Variants in ELF3 observed in about 807,000 individuals in gnomAD.
ELF3 encodes E74 like ETS transcription factor 3.
Under a neutral mutation model 43.9 loss-of-function variants are expected in ELF3, and 18 were observed. The ratio of observed to expected loss-of-function variants is 0.41; its 90% CI spans 0.28 to 0.61. The LOEUF (loss-of-function observed/expected upper bound fraction) is 0.61. Among genes scored for constraint, ELF3 ranks in the 20% least tolerant of loss-of-function variants. ELF3 has a pLI of 0.30. For missense variants in ELF3, 373 were observed against 487.7 expected (o/e 0.76, Z 2.21); for synonymous variants, 181 against 190.2 (o/e 0.95, Z 0.40).
At position 202,012,795 on chromosome 1, in the gene ELF3, C is replaced by T. The variant is rs1433675627; in HGVS notation, c.598+36C>T. On this transcript the variant is annotated intron_variant, in intron 5 of 8. Transcript: ENST00000367284. The surrounding 1 kb of genome is among the most constrained non-coding windows in gnomAD (Gnocchi z 4.2). ...TCTCTGGGCCACAACCTCCCTTCCC[C>T]GAAGTGTCCCTTGTTCCCTCTGGCT... 7.2e-6 allele frequency: 11 copies of T among 1,537,122 alleles called. No individual in the cohort carries two copies. The highest frequency in any genetic ancestry group is 1.3e-5 in the South Asian group (1 of 79,118).
Position 202,012,347 on chromosome 1 carries a change from C to T in ELF3, c.389C>T (p.Ser130Phe). Residue 130 changes from serine (S) to phenylalanine (F), a missense_variant, in exon 4 of 9, where the codon TCC becomes TTC. Ser to Phe is a radical substitution (Grantham distance 155). Around this residue, in one of 3 missense-constraint regions of ELF3, gnomAD observed 311 missense variants for 351.2 expected, o/e 0.89. Transcript: ENST00000367284. This position sits in a 1 kb window ranked among gnomAD's most constrained non-coding sequence, Gnocchi z 4.2. Reference sequence around the variant, plus strand: ...CCCTTCCTTCCTTCCTTGTCAGCTTCCAGCTCTTCTGATGAGCTCAGTTGG... The same window carrying T: ...CCCTTCCTTCCTTCCTTGTCAGCTTTCAGCTCTTCTGATGAGCTCAGTTGG... ...QLHAQLRDLTSSSSDELSWII... is the reference protein window; with the variant it reads ...QLHAQLRDLTFSSSDELSWII... 6.2e-7 allele frequency: 1 copy of T among 1,614,046 alleles called. No individual in the cohort carries two copies.
intron 2 of ELF3, 163 bp downstream of exon 2, chr1:202,011,462 A>T: frequency 1.1e-6 from 1 of 872,046 alleles, no homozygotes. Context: ...TGGGGCTGTG[A>T]CAGGCAGAGG....
chr1:202,012,144 G>C lies in ELF3; in HGVS notation c.351G>C (p.Leu117=), dbSNP rs776862148. Residue 117 remains leucine, a synonymous_variant, in exon 3 of 9, where the codon CTG becomes CTC. Transcript: ENST00000367284. This position sits in a 1 kb window ranked among gnomAD's most constrained non-coding sequence, Gnocchi z 4.2. ...LEELRLVFGP[L]GDQLHAQLRD... is the part of the protein sequence containing the mutation. The stretch of plus-strand genomic sequence containing the variant: ...AGCTGCGTCTGGTCTTTGGGCCTCT[G>C]GGGGACCAACTCCATGCCCAGCTGC... 1.9e-6 allele frequency: 3 copies of C among 1,613,760 alleles called. No homozygotes were observed. The East Asian group carries it at 6.7e-5, about 36-fold the overall frequency.
At chr1:202,014,267 G>A (rs771334042) in intron 8 of ELF3, among the ~76,000 whole-genome samples, 3 of 152,208 alleles carry the variant, frequency 2.0e-5, no homozygotes, top group Non-Finnish European at 2.9e-5. Flanking sequence ...TCGCCTGTGA[G>A]GCTTGTCCTC....
chr1:202,010,769 G>A lies in ELF3; in HGVS notation c.-9+63G>A, dbSNP rs1684174220. On this transcript the variant is annotated intron_variant, in intron 1 of 8. Coordinates refer to ENST00000367284, the MANE Select transcript of ELF3 (RefSeq NM_004433.5). The surrounding 1 kb of genome is among the most constrained non-coding windows in gnomAD (Gnocchi z 4.3). ...TGGGAAACTGCAGAGGGGTCCAGAGGATTTGCAGTTCTGAACCTGCACACT... is the reference window on the plus strand; with the variant it reads ...TGGGAAACTGCAGAGGGGTCCAGAGAATTTGCAGTTCTGAACCTGCACACT... 1 of 193,910 alleles carries A rather than the reference G, an allele frequency of 5.2e-6. No homozygotes were observed. 12.0% of individuals were successfully genotyped at this position (193,910 alleles called of 1,614,324 possible).
chr1:202,015,457 T>C lies in ELF3; in HGVS notation c.*134T>C. ...TGTGCTGTGGAGAGAAGCTGATGTT[T>C]TGGTGTATTGTCAGCCATCGTCCTG... is the stretch of plus-strand genomic sequence containing the variant. On this transcript the variant is annotated 3_prime_UTR_variant, in exon 9 of 9. Transcript: ENST00000367284. 1 of 845,350 alleles carries C rather than the reference T, an allele frequency of 1.2e-6. No homozygotes were observed. The highest frequency in any genetic ancestry group is 1.6e-5 in the South Asian group (1 of 61,364). 52.4% of individuals were successfully genotyped at this position (845,350 alleles called of 1,614,324 possible).
Position 202,012,746 on chromosome 1 carries a change from C to A in ELF3, c.585C>A (p.Asp195Glu). 2 of 1,572,828 alleles carry A rather than the reference C, an allele frequency of 1.3e-6. No homozygotes were observed. Among genetic ancestry groups the A allele is most frequent in the Non-Finnish European group, 1.7e-6 (2 of 1,161,334 alleles). The change falls in exon 5 of 9, where the codon GAC becomes GAA. Residue 195 changes from aspartate to glutamate, a missense_variant. By Grantham distance (45) the Asp-to-Glu change is conservative. This residue lies in a region of ELF3 where 311 missense variants were observed against 351.2 expected (regional missense o/e 0.89). Coordinates refer to ENST00000367284, the MANE Select transcript of ELF3 (RefSeq NM_004433.5). This position sits in a 1 kb window ranked among gnomAD's most constrained non-coding sequence, Gnocchi z 4.2. ...GAGAPSPGSS[D>E]VSTAGTGASR... ...GAGCCCCCTCCCCTGGCAGCTCTGA[C>A]GTCTCCACCGCAGGTGAGAGCTCTC...
chr1:202,012,363 G>T lies in ELF3; in HGVS notation c.405G>T (p.Glu135Asp), dbSNP rs761937653. ...LRDLTSSSSD[E>D]LSWIIELLEK... ...TGTCAGCTTCCAGCTCTTCTGATGAGCTCAGTTGGATCATTGAGCTGCTGG... is the reference window on the plus strand; with the variant it reads ...TGTCAGCTTCCAGCTCTTCTGATGATCTCAGTTGGATCATTGAGCTGCTGG... Residue 135 changes from glutamate (E) to aspartate (D), a missense_variant, in exon 4 of 9, where the codon GAG becomes GAT. Around this residue, in one of 3 missense-constraint regions of ELF3, gnomAD observed 311 missense variants for 351.2 expected, o/e 0.89. Coordinates refer to ENST00000367284, the MANE Select transcript of ELF3 (RefSeq NM_004433.5). The surrounding 1 kb of genome is among the most constrained non-coding windows in gnomAD (Gnocchi z 4.2). 3 of 1,614,136 alleles carry T rather than the reference G, an allele frequency of 1.9e-6. No homozygotes were observed. In the East Asian group the frequency reaches 6.7e-5, roughly 36 times the overall value.
Position 202,013,297 on chromosome 1 carries a change from C to G in ELF3, c.804C>G (p.His268Gln). Residue 268 changes from histidine to glutamine, a missense_variant and splice_region_variant, in exon 7 of 9, where the codon CAC (histidine) becomes CAG (glutamine). Physicochemically the swap from His to Gln is conservative, Grantham distance 24. Around this residue, in one of 3 missense-constraint regions of ELF3, gnomAD observed 311 missense variants for 351.2 expected, o/e 0.89. Transcript: ENST00000367284. This position sits in a 1 kb window ranked among gnomAD's most constrained non-coding sequence, Gnocchi z 5.7. ...WDCLEGKKSK[H>Q]APRGTHLWEF... ...GTCTCGAGGGCAAGAAGAGCAAGCA[C>G]GGTGAGCTCCGGGGGCACGTGGGTC... 1 of 1,613,136 alleles carries G rather than the reference C, an allele frequency of 6.2e-7. No individual in the cohort carries two copies. The highest frequency in any genetic ancestry group is 1.1e-5 in the South Asian group (1 of 91,048).
In ELF3 at chr1:202,012,914, C is replaced by T. The variant is rs377488303; in HGVS notation, c.599-33C>T. 20 of 1,587,032 alleles carry T rather than the reference C, an allele frequency of 1.3e-5. No homozygotes were observed. Among genetic ancestry groups the T allele is most frequent in the Admixed American group, 7.1e-5 (4 of 56,418 alleles). Reference sequence around the variant, plus strand: ...CAGCGTGGTTGAGCAGAGGGTGGGCCGGCAGGGGACTTACTCTGACCCCGC... The same window carrying T: ...CAGCGTGGTTGAGCAGAGGGTGGGCTGGCAGGGGACTTACTCTGACCCCGC... On this transcript the variant is annotated intron_variant, in intron 5 of 8. Transcript: ENST00000367284. The surrounding 1 kb of genome is among the most constrained non-coding windows in gnomAD (Gnocchi z 4.2).
intron 8 of ELF3, 128 bp from the exon 9 acceptor site, chr1:202,015,081 C>T: frequency 1.2e-6 from 1 of 815,576 alleles, no homozygotes; most frequent in Non-Finnish European, 2.0e-6. Flanking sequence ...GTGAGTCAGG[C>T]TCAGCTTAGT....
rs2819364 is a variant in ELF3 at position 202,012,906 on chromosome 1, G to A, written c.599-41G>A. ...AGAGCCAGCAGCGTGGTTGAGCAGA[G>A]GGTGGGCCGGCAGGGGACTTACTCT... On this transcript the variant is annotated intron_variant, in intron 5 of 8. Transcript: ENST00000367284. This position sits in a 1 kb window ranked among gnomAD's most constrained non-coding sequence, Gnocchi z 4.2. The A allele has an allele frequency of 1.9e-6, 3 of 1,583,738 alleles. No individual in the cohort carries two copies. The highest frequency in any genetic ancestry group is 1.2e-5 in the South Asian group (1 of 84,710).
Position 202,012,847 on chromosome 1 carries a change from G to GCAGGAA in ELF3, c.599-89_599-84dup. 6.5e-7 allele frequency: 1 copy of GCAGGAA among 1,539,578 alleles called. No individual in the cohort carries two copies. The highest frequency in any genetic ancestry group is 8.7e-7 in the Non-Finnish European group (1 of 1,144,048). Reference sequence around the variant, plus strand: ...CCAGCACCATAACTCAGGCCTTCTGGCAGGAACAGGAACAGGCTGGGAAGT... The same window carrying GCAGGAA: ...CCAGCACCATAACTCAGGCCTTCTGGCAGGAACAGGAACAGGAACAGGCTGGGAAGT... On this transcript the variant is annotated intron_variant, in intron 5 of 8. Transcript: ENST00000367284. The surrounding 1 kb of genome is among the most constrained non-coding windows in gnomAD (Gnocchi z 4.2).
In ELF3 at chr1:202,012,961, C is replaced by T. The variant is rs776131707; in HGVS notation, c.613C>T (p.Arg205Trp). ...CCGCCCCCCAGGGACTGGTGCTTCT[C>T]GGAGCTCCCACTCCTCAGACTCCGG... The part of the protein sequence containing the change: ...DVSTAGTGAS[R>W]SSHSSDSGGS... Residue 205 changes from arginine (R) to tryptophan (W), a missense_variant, in exon 6 of 9, where the codon CGG becomes TGG. This residue lies in a region of ELF3 where 311 missense variants were observed against 351.2 expected (regional missense o/e 0.89). Transcript: ENST00000367284. The surrounding 1 kb of genome is among the most constrained non-coding windows in gnomAD (Gnocchi z 4.2). 3.9e-5 allele frequency: 63 copies of T among 1,612,264 alleles called. No individual in the cohort carries two copies. The highest frequency in any genetic ancestry group is 4.8e-5 in the Non-Finnish European group (57 of 1,179,136).
In ELF3 at chr1:202,012,394, G is replaced by A; in HGVS notation, c.436G>A (p.Asp146Asn). 1 of 1,614,122 alleles carries A rather than the reference G, an allele frequency of 6.2e-7. No homozygotes were observed. The highest frequency in any genetic ancestry group is 8.5e-7 in the Non-Finnish European group (1 of 1,179,998). Residue 146 changes from aspartate (D) to asparagine (N), a missense_variant, in exon 4 of 9, where the codon GAT becomes AAT. Physicochemically the swap from Asp to Asn is conservative, Grantham distance 23 (BLOSUM62 1). Around this residue, in one of 3 missense-constraint regions of ELF3, gnomAD observed 311 missense variants for 351.2 expected, o/e 0.89. Transcript: ENST00000367284. The surrounding 1 kb of genome is among the most constrained non-coding windows in gnomAD (Gnocchi z 4.2). ...TTGGATCATTGAGCTGCTGGAGAAG[G>A]ATGGCATGGCCTTCCAGGAGGCCCT... ...LSWIIELLEK[D>N]GMAFQEALDP...
In ELF3 at chr1:202,013,431, G is replaced by C. The variant is rs1041973330; in HGVS notation, c.805+133G>C. On this transcript the variant is annotated intron_variant, in intron 7 of 8. Coordinates refer to ENST00000367284, the MANE Select transcript of ELF3 (RefSeq NM_004433.5). The surrounding 1 kb of genome is among the most constrained non-coding windows in gnomAD (Gnocchi z 5.7). ...TGGCCTTTGGTAAGGCTGTGCACAA[G>C]CTGGGGGCTCTATGGTATCGGTCAC... The C allele has an allele frequency of 4.5e-6, 4 of 894,290 alleles. No homozygotes were observed. Among genetic ancestry groups the C allele is most frequent in the Non-Finnish European group, 7.0e-6 (4 of 572,428 alleles). The allele number at this position is 894,290 out of a possible 1,614,324, so 55.4% of individuals were successfully genotyped here.
At chr1:202,011,680 T>C in intron 2 of ELF3, 1 of 492,620 alleles carries the variant, frequency 2.0e-6, no homozygotes. Flanking sequence ...GAGACCAGCC[T>C]AGCCAACATG....
rs550949648 is a variant in ELF3, at chr1:202,015,808, A to T, written c.*485A>T. On this transcript the variant is annotated 3_prime_UTR_variant, in exon 9 of 9. Coordinates refer to ENST00000367284, the MANE Select transcript of ELF3 (RefSeq NM_004433.5). ...CAGAGCACTCCCTAATTTATGTGCT[A>T]TATAAATATGTCAGATGTACATAGA... 5.9e-6 allele frequency: 1 copy of T among 170,458 alleles called. No individual in the cohort carries two copies. The highest frequency in any genetic ancestry group is 5.4e-5 in the Admixed American group (1 of 18,452). The allele number at this position is 170,458 out of a possible 1,614,324, so 10.6% of individuals were successfully genotyped here. A position where few individuals can be genotyped will look rare whatever the true frequency, so the allele number is the denominator to read the frequency against.
At position 202,012,935 on chromosome 1, in the gene ELF3, C is replaced by G; in HGVS notation, c.599-12C>G. On this transcript the variant is annotated splice_polypyrimidine_tract_variant and intron_variant, in intron 5 of 8. Coordinates refer to ENST00000367284, the MANE Select transcript of ELF3 (RefSeq NM_004433.5). This position sits in a 1 kb window ranked among gnomAD's most constrained non-coding sequence, Gnocchi z 4.2. ...GGGCCGGCAGGGGACTTACTCTGACCCCGCCCCCCAGGGACTGGTGCTTCT... is the reference window on the plus strand; with the variant it reads ...GGGCCGGCAGGGGACTTACTCTGACGCCGCCCCCCAGGGACTGGTGCTTCT... 1 of 1,603,258 alleles carries G rather than the reference C, an allele frequency of 6.2e-7. No individual in the cohort carries two copies. The highest frequency in any genetic ancestry group is 8.5e-7 in the Non-Finnish European group (1 of 1,174,958).
Sources: gnomAD v4.1 joint callset for allele counts (sites outside exome capture counted in the v4.1 genomes callset) on GRCh38, gnomAD v4.1.1 for gene constraint, gnomAD v4.1.1 regional missense constraint, Gnocchi (gnomAD v3.1) non-coding constraint, MANE v1.5 for transcripts, NCBI Gene and HGNC (gene_info 2026-07-23, HGNC 2026-07-21) for gene names.